Variants in BIN1 observed in about 807,000 individuals in gnomAD.
BIN1 encodes myc box-dependent-interacting protein 1.
A neutral mutation model predicts 82.0 loss-of-function variants in BIN1; 53 were observed. The ratio of observed to expected loss-of-function variants is 0.65; its 90% CI spans 0.52 to 0.81. BIN1 has a LOEUF of 0.81. Ranked by LOEUF, BIN1 falls within the 40% of genes least tolerant of loss-of-function variation. The pLI is 0.00. For missense variants in BIN1, 642 were observed against 784.4 expected (o/e 0.82, Z 2.17); for synonymous variants, 302 against 328.0 (o/e 0.92, Z 0.86).
intron 15 of BIN1, 98 bp from the exon 16 acceptor site, chr2:127,051,341 CG>C: frequency 8.1e-7 from 1 of 1,230,478 alleles, no homozygotes; most frequent in Non-Finnish European, 1.2e-6. Context: ...GCGACAGGGC[CG>C]GGGGCATCGC....
At chr2:127,101,672 A>C (rs1243292400) in intron 1 of BIN1, among the ~76,000 whole-genome samples, 1 of 152,206 alleles carries the variant, frequency 6.6e-6, no homozygotes, top group Non-Finnish European at 1.5e-5. Context: ...CACAAACTTC[A>C]TCATATGCCA....
rs573529529 is a variant in BIN1 at position 127,063,970 on chromosome 2, C to T, written c.661G>A (p.Val221Met). The T allele has an allele frequency of 1.2e-5, 20 of 1,613,938 alleles. No homozygotes were observed. The East Asian group carries it at 4.2e-4, about 34-fold the overall frequency. ...GACGGCAGCTCCTCCTGCAGATCCACATTCATCTCCTCAAACACCTTCTGG... is the reference window on the plus strand; with the variant it reads ...GACGGCAGCTCCTCCTGCAGATCCATATTCATCTCCTCAAACACCTTCTGG... The part of the protein sequence containing the change: ...KAQKVFEEMN[V>M]DLQEELPSLW... The change falls in exon 8 of 19, where the codon GTG (valine) becomes ATG (methionine). Residue 221 changes from valine to methionine, a missense_variant. Val to Met is a conservative substitution (Grantham distance 21, BLOSUM62 1). Transcript: ENST00000316724.
intron 1 of BIN1, among the ~76,000 whole-genome samples, chr2:127,085,035 C>T (rs921988837): frequency 4.6e-5 from 7 of 152,122 alleles, no homozygotes; most frequent in African/African-American, 1.7e-4. Context: ...CCCTCCATCC[C>T]CCGCCCCGCC....
At position 127,048,373 on chromosome 2, in the gene BIN1, T is replaced by A. The variant is rs762740; in HGVS notation, c.*153A>T. On this transcript the variant is annotated 3_prime_UTR_variant, in exon 19 of 19. Coordinates refer to ENST00000316724, the MANE Select transcript of BIN1 (RefSeq NM_139343.3). ...CGCGGCTCTTTGGAAAACGACCTAATCTTTGGGAGAACGCCCCTCTGCCTG... is the reference window on the plus strand; with the variant it reads ...CGCGGCTCTTTGGAAAACGACCTAAACTTTGGGAGAACGCCCCTCTGCCTG... 1.4e-6 allele frequency: 1 copy of A among 714,748 alleles called. No individual in the cohort carries two copies. Among genetic ancestry groups the A allele is most frequent in the South Asian group, 1.7e-5 (1 of 58,216 alleles). The allele number at this position is 714,748 out of a possible 1,614,324, so 44.3% of individuals were successfully genotyped here.
At chr2:127,094,920 C>T (rs932340256) in intron 1 of BIN1, among the ~76,000 whole-genome samples, 1 of 152,202 alleles carries the variant, frequency 6.6e-6, no homozygotes, top group Non-Finnish European at 1.5e-5. Flanking sequence ...GGTTGACCCC[C>T]TCAACCATGG....
At chr2:127,055,405 G>A (rs530402869) in intron 12 of BIN1, 3 of 152,416 alleles carry the variant, frequency 2.0e-5, no homozygotes, top group South Asian at 4.1e-4. Flanking sequence ...CTAGAACCAG[G>A]GGCCCTAGGC....
At chr2:127,097,582 C>A (rs1679769049) in intron 1 of BIN1, among the ~76,000 whole-genome samples, 2 of 152,234 alleles carry the variant, frequency 1.3e-5, no homozygotes, top group South Asian at 4.1e-4. Flanking sequence ...GGACTCCAGG[C>A]CCAAGCCCTG....
Position 127,068,479 on chromosome 2 carries a change from C to G in BIN1, c.520-224G>C, listed in dbSNP as rs1685443932. On this transcript the variant is annotated intron_variant, in intron 6 of 18. Coordinates refer to ENST00000316724, the MANE Select transcript of BIN1 (RefSeq NM_139343.3). The surrounding 1 kb of genome is among the most constrained non-coding windows in gnomAD (Gnocchi z 4.9). Reference sequence around the variant, plus strand: ...CAAAAGGTGAGCGTGGTTAGCAGCACAGGGGGCCCAGCAAGCACGGCCCTG... The same window carrying G: ...CAAAAGGTGAGCGTGGTTAGCAGCAGAGGGGGCCCAGCAAGCACGGCCCTG... 6.6e-6 allele frequency among the ~76,000 whole-genome samples: 1 copy of G among 152,144 alleles called. No homozygotes were observed. Among genetic ancestry groups the G allele is most frequent in the Admixed American group, 6.5e-5 (1 of 15,290 alleles).
At chr2:127,050,770 G>A (rs202120244) in intron 17 of BIN1, 32 bp downstream of exon 17, 1 of 1,604,314 alleles carries the variant, frequency 6.2e-7, no homozygotes, top group Admixed American at 1.7e-5. Flanking sequence ...AGGGCACCGA[G>A]GGACTGCAGC....
In BIN1 at chr2:127,052,380, GGA is replaced by G; in HGVS notation, c.1264-20_1264-19del. The G allele has an allele frequency of 1.3e-6, 2 of 1,563,080 alleles. No individual in the cohort carries two copies. The highest frequency in any genetic ancestry group is 1.7e-6 in the Non-Finnish European group (2 of 1,153,230). Reference sequence around the variant, plus strand: ...TCTGTGGGCTGGTAACAGGCCACGAGGAGAGAACAGGGAGGGGGCGGGGAGGC... The same window carrying G: ...TCTGTGGGCTGGTAACAGGCCACGAGGAGAACAGGGAGGGGGCGGGGAGGC... On this transcript the variant is annotated intron_variant, in intron 14 of 18. Coordinates refer to ENST00000316724, the MANE Select transcript of BIN1 (RefSeq NM_139343.3).
At chr2:127,089,156 G>C (rs1047000293) in intron 1 of BIN1, among the ~76,000 whole-genome samples, 1 of 152,082 alleles carries the variant, frequency 6.6e-6, no homozygotes, top group African/African-American at 2.4e-5. Context: ...AACTCCCCAG[G>C]GTCACGCAGC....
chr2:127,049,569 G>A (rs942319867), intron 18 of BIN1, among the ~76,000 whole-genome samples: 2 of 152,206 alleles, frequency 1.3e-5, no homozygotes, highest in African/African-American at 4.8e-5. Flanking sequence ...AGCGTTGATG[G>A]CTAAACATGT....
At chr2:127,087,265 G>C (rs1023270389) in intron 1 of BIN1, among the ~76,000 whole-genome samples, 1 of 152,176 alleles carries the variant, frequency 6.6e-6, no homozygotes, top group Non-Finnish European at 1.5e-5. Flanking sequence ...AAAGAAGGGG[G>C]AGGGGAAGGA....
intron 1 of BIN1, among the ~76,000 whole-genome samples, chr2:127,095,658 C>T (rs553815915): frequency 6.6e-6 from 1 of 152,230 alleles, no homozygotes; most frequent in East Asian, 1.9e-4. Context: ...GGTGGCAGCA[C>T]CTGGGAAAGG....
At position 127,057,491 on chromosome 2, in the gene BIN1, G is replaced by A. The variant is rs757286408; in HGVS notation, c.1113C>T (p.Ser371=). ...GGCTGACCTGGGAGGGGGTGGTCAC[G>A]CTGATCTCAGGGACAAACGTGTCCT... is the stretch of plus-strand genomic sequence containing the variant. ...LFEDTFVPEI[S]VTTPSQFEAP... Residue 371 remains serine (S), a synonymous_variant, in exon 12 of 19, where the codon AGC becomes AGT. Transcript: ENST00000316724. This position sits in a 1 kb window ranked among gnomAD's most constrained non-coding sequence, Gnocchi z 5.0. 6.5e-6 allele frequency: 10 copies of A among 1,546,766 alleles called. No homozygotes were observed. The highest frequency in any genetic ancestry group is 4.1e-5 in the African/African-American group (3 of 73,002).
chr2:127,086,882 T>G lies in BIN1; in HGVS notation c.85-10176A>C, dbSNP rs1678243151. On this transcript the variant is annotated intron_variant, in intron 1 of 18. Coordinates refer to ENST00000316724, the MANE Select transcript of BIN1 (RefSeq NM_139343.3). ...ACCCCCACATGGCGATCCACCTTTT[T>G]GACAAGCCCCCATGCTCCGTCCCCT... 2.0e-5 allele frequency among the ~76,000 whole-genome samples: 3 copies of G among 152,108 alleles called. No homozygotes were observed. In the South Asian group the frequency reaches 6.2e-4, roughly 32 times the overall value.
chr2:127,068,875 C>T lies in BIN1; in HGVS notation c.519+49G>A. Reference sequence around the variant, plus strand: ...ACCCTCGGGGTCCTAGACACCCGCCCTCTCTCAGCCCCCTGCAGACGCTGC... The same window carrying T: ...ACCCTCGGGGTCCTAGACACCCGCCTTCTCTCAGCCCCCTGCAGACGCTGC... On this transcript the variant is annotated intron_variant, in intron 6 of 18. Coordinates refer to ENST00000316724, the MANE Select transcript of BIN1 (RefSeq NM_139343.3). This position sits in a 1 kb window ranked among gnomAD's most constrained non-coding sequence, Gnocchi z 4.9. The T allele has an allele frequency of 6.4e-7, 1 of 1,556,174 alleles. No individual in the cohort carries two copies. The highest frequency in any genetic ancestry group is 1.1e-5 in the South Asian group (1 of 89,946).
intron 1 of BIN1, among the ~76,000 whole-genome samples, chr2:127,105,471 CCTCCTCCTCCTCCTCCTCCT>C (rs1680948598): frequency 1.4e-5 from 2 of 142,660 alleles, no homozygotes; most frequent in African/African-American, 5.5e-5. Context: ...TTTAATCCCT[CCTCCTCCTCCTCCTCCTCCT>C]CCTCCTCCTC....
chr2:127,065,466 G>A (rs1685038826), intron 7 of BIN1, among the ~76,000 whole-genome samples: 1 of 152,142 alleles, frequency 6.6e-6, no homozygotes, highest in Non-Finnish European at 1.5e-5. Flanking sequence ...TACCTGGCAG[G>A]GGGGCTGCCA....
Sources: allele counts gnomAD v4.1 joint callset (sites outside exome capture counted in the v4.1 genomes callset), GRCh38; gene constraint gnomAD v4.1.1; non-coding constraint Gnocchi (gnomAD v3.1); transcripts MANE v1.5; gene names NCBI Gene and HGNC (gene_info 2026-07-23, HGNC 2026-07-21).